The following PPDPFL variants were observed in gnomAD, a reference collection of about 807,000 sequenced individuals.
The protein encoded by PPDPFL is pancreatic progenitor cell differentiation and proliferation factor-like protein.
A neutral mutation model predicts 12.6 loss-of-function variants in PPDPFL; 12 were observed. That is an observed-to-expected ratio of 0.95 (90% CI 0.61 to 1.54). PPDPFL has a LOEUF of 1.54. Ranked by LOEUF, PPDPFL falls within the 40% of genes most tolerant of loss-of-function variation. PPDPFL has a pLI of 0.00. For missense variants in PPDPFL, 114 were observed against 96.0 expected, an observed-to-expected ratio of 1.19 and a Z score of -0.78; for synonymous variants, 24 against 32.7, an observed-to-expected ratio of 0.73 and a Z score of 0.91.
intron 1 of PPDPFL, among the ~76,000 whole-genome samples, chr8:49,055,897 G>A (rs1808104896): frequency 6.6e-6 from 1 of 151,946 alleles, no homozygotes; most frequent in South Asian, 2.1e-4. Flanking sequence ...CAGTTGTATA[G>A]CCAACTTACA....
chr8:49,057,288 G>C (rs1042467210), intron 1 of PPDPFL, among the ~76,000 whole-genome samples: 3 of 152,082 alleles, frequency 2.0e-5, no homozygotes, highest in Non-Finnish European at 4.4e-5. Context: ...ATGAAGGGTC[G>C]TGAATTTTGG....
At chr8:49,069,544 G>A (rs187197250), upstream of PPDPFL, among the ~76,000 whole-genome samples, 469 of 152,208 alleles carry the variant, frequency 3.1e-3, 1 homozygote, top group Admixed American at 5.6e-3. Context: ...TGGTGGGAGT[G>A]GAAATTAGTT....
chr8:49,058,211 A>C (rs2129243461), intron 1 of PPDPFL, among the ~76,000 whole-genome samples: 1 of 152,310 alleles, frequency 6.6e-6, no homozygotes, highest in South Asian at 2.1e-4. Context: ...TTTCAGTCCT[A>C]ATCTTGAGGT....
chr8:49,068,382 C>G (rs532739699), upstream of PPDPFL, among the ~76,000 whole-genome samples: 141 of 152,228 alleles, frequency 9.3e-4, 5 homozygotes, highest in Middle Eastern at 0.02. Context: ...GTACAGAGGA[C>G]AGAGAGAACA....
At chr8:49,070,497 T>G (rs1808361694), upstream of PPDPFL, among the ~76,000 whole-genome samples, 1 of 152,188 alleles carries the variant, frequency 6.6e-6, no homozygotes, top group South Asian at 2.1e-4. Flanking sequence ...ACAAGAAGTG[T>G]AATTTTGGAG....
chr8:49,072,188 G>A (rs956547573), upstream of PPDPFL, among the ~76,000 whole-genome samples: 3 of 152,220 alleles, frequency 2.0e-5, no homozygotes, highest in African/African-American at 4.8e-5. Context: ...TGCTGCGTTC[G>A]GAGGGCCTTT....
rs537067006 is a variant in PPDPFL, at chr8:49,054,994, C to T, written c.-45+625C>T. ...ATTCTGGCTGAGGCCAGTCTCCAGT[C>T]GCTGTTGAGCTCCATGATGCTTCAG... is the stretch of plus-strand genomic sequence containing the variant. On this transcript the variant is annotated intron_variant, in intron 1 of 4. Transcript: ENST00000517663. Among the ~76,000 whole-genome samples, 78 of 152,192 alleles carry T rather than the reference C, an allele frequency of 5.1e-4. 1 individual carries two copies. The South Asian group carries it at 0.012, about 23-fold the overall frequency.
intron 1 of PPDPFL, among the ~76,000 whole-genome samples, chr8:49,065,866 G>A (rs974563912): frequency 1.3e-5 from 2 of 152,278 alleles, no homozygotes; most frequent in East Asian, 1.9e-4. Context: ...CCCTATTGAC[G>A]TCCGAGTTGA....
chr8:49,062,065 A>G (rs1453174633), intron 1 of PPDPFL, among the ~76,000 whole-genome samples: 3 of 152,224 alleles, frequency 2.0e-5, no homozygotes, highest in African/African-American at 7.2e-5. Context: ...AATAACCTGC[A>G]TGAGTTACAA....
intron 1 of PPDPFL, among the ~76,000 whole-genome samples, chr8:49,058,571 G>A (rs551510704): frequency 2.0e-4 from 30 of 152,338 alleles, no homozygotes; most frequent in African/African-American, 7.2e-4. Context: ...CATTCTGAAT[G>A]CTAATATGAC....
chr8:49,057,138 G>A (rs1235033834), intron 1 of PPDPFL, among the ~76,000 whole-genome samples: 1 of 152,136 alleles, frequency 6.6e-6, no homozygotes, highest in Non-Finnish European at 1.5e-5. Flanking sequence ...ACCCTAAAAT[G>A]ACAGGCTAAA....
chr8:49,074,076 G>T lies in PPDPFL; in HGVS notation c.73G>T (p.Val25Phe). 1.2e-6 allele frequency: 2 copies of T among 1,612,234 alleles called. No homozygotes were observed. Among genetic ancestry groups the T allele is most frequent in the Non-Finnish European group, 1.7e-6 (2 of 1,178,548 alleles). ...QYYRKSSVSS[V>F]SSLTSSDSVN... The stretch of plus-strand genomic sequence containing the variant: ...TCCTACAGAGTCCAGTGTTTCTTCA[G>T]TTAGTTCTTTAACTAGCTCTGATTC... Residue 25 changes from valine (V) to phenylalanine (F), a missense_variant, in exon 3 of 5, where the codon GTT (valine) becomes TTT (phenylalanine). Physicochemically the swap from Val to Phe is conservative, Grantham distance 50 (BLOSUM62 -1). Transcript: ENST00000522267.
chr8:49,074,845 C>T, intron 4 of PPDPFL: 1 of 1,404,072 alleles, frequency 7.1e-7, no homozygotes, highest in Admixed American at 3.0e-5. Flanking sequence ...ATTTAAACTA[C>T]TTATTTTGGA....
intron 3 of PPDPFL, 44 bp downstream of exon 3, chr8:49,074,180 T>C (rs1444419046): frequency 2.5e-6 from 4 of 1,604,896 alleles, no homozygotes; most frequent in East Asian, 4.5e-5. Flanking sequence ...TATTTCTTTT[T>C]ATTTTCAATC....
intron 4 of PPDPFL, chr8:49,074,861 G>A (rs1485120121): frequency 2.1e-6 from 3 of 1,398,392 alleles, no homozygotes; most frequent in Non-Finnish European, 2.8e-6. Flanking sequence ...TTGGATTTTA[G>A]ACATTTGAAT....
chr8:49,074,089 C>G lies in PPDPFL; in HGVS notation c.86C>G (p.Thr29Ser), dbSNP rs1433200427. The change falls in exon 3 of 5, where the codon ACT (threonine) becomes AGT (serine). Residue 29 changes from threonine (T) to serine (S), a missense_variant. Coordinates refer to ENST00000522267, the MANE Select transcript of PPDPFL (RefSeq NM_001256597.2). Reference sequence around the variant, plus strand: ...AGTGTTTCTTCAGTTAGTTCTTTAACTAGCTCTGATTCTGTTAACTTCATA... The same window carrying G: ...AGTGTTTCTTCAGTTAGTTCTTTAAGTAGCTCTGATTCTGTTAACTTCATA... The part of the protein sequence containing the change: ...KSSVSSVSSL[T>S]SSDSVNFIDD... 1.9e-6 allele frequency: 3 copies of G among 1,612,980 alleles called. No homozygotes were observed. Among genetic ancestry groups the G allele is most frequent in the African/African-American group, 1.3e-5 (1 of 74,896 alleles).
At chr8:49,074,807 A>G in intron 4 of PPDPFL, 1 of 1,420,636 alleles carries the variant, frequency 7.0e-7, no homozygotes, top group Non-Finnish European at 9.1e-7. Flanking sequence ...ACTCAAACAC[A>G]CTGACTAGCA....
upstream of PPDPFL, among the ~76,000 whole-genome samples, chr8:49,070,946 A>G (rs1005807195): frequency 6.6e-6 from 1 of 152,146 alleles, no homozygotes; most frequent in South Asian, 2.1e-4. Flanking sequence ...GAACAGTATT[A>G]GCTACAATCC....
chr8:49,075,050 A>T, intron 4 of PPDPFL, 102 bp from the exon 5 acceptor site: 6 of 1,503,954 alleles, frequency 4.0e-6, no homozygotes, highest in Non-Finnish European at 5.4e-6. Context: ...TGTTGGAAAG[A>T]TGTTTTCTTG....
Sources: allele counts gnomAD v4.1 joint callset (sites outside exome capture counted in the v4.1 genomes callset), GRCh38; gene constraint gnomAD v4.1.1; transcripts MANE v1.5; gene names NCBI Gene and HGNC (gene_info 2026-07-23, HGNC 2026-07-21).